Variants in ARHGAP44 observed in about 807,000 individuals in gnomAD.
ARHGAP44 encodes rho GTPase-activating protein 44.
ARHGAP44 carries 43 observed loss-of-function variants against 106.8 expected under a neutral mutation model. The ratio of observed to expected loss-of-function variants is 0.40; its 90% CI spans 0.32 to 0.52. The LOEUF (loss-of-function observed/expected upper bound fraction) is 0.52. ARHGAP44 is among the 20% of genes least tolerant of loss of function. The probability of loss-of-function intolerance (pLI) is 0.48; values close to 1 mark genes in which losing one functional copy is unlikely to be tolerated. For synonymous variants in ARHGAP44, 439 were observed against 410.3 expected (o/e 1.07, Z -0.85); for missense variants, 866 against 1,050.5 (o/e 0.82, Z 2.43).
intron 18 of ARHGAP44, among the ~76,000 whole-genome samples, chr17:12,977,502 G>A (rs533675275): frequency 3.3e-5 from 5 of 152,056 alleles, no homozygotes; most frequent in African/African-American, 7.2e-5. Flanking sequence ...TCCACATCCC[G>A]CCCAACTGCT....
intron 4 of ARHGAP44, 130 bp downstream of exon 4, chr17:12,909,103 T>G (rs2037646766): frequency 1.3e-6 from 1 of 749,584 alleles, no homozygotes; most frequent in East Asian, 2.9e-5. Context: ...AGGAAAATGT[T>G]ACCAGTAGGA....
chr17:12,854,462 T>C (rs2035847817), intron 1 of ARHGAP44, among the ~76,000 whole-genome samples: 1 of 152,158 alleles, frequency 6.6e-6, no homozygotes, highest in African/African-American at 2.4e-5. Flanking sequence ...GGGTACATCA[T>C]TTACAACAGT....
intron 16 of ARHGAP44, among the ~76,000 whole-genome samples, chr17:12,961,820 C>T (rs1448559603): frequency 1.3e-5 from 2 of 152,056 alleles, no homozygotes; most frequent in Non-Finnish European, 2.9e-5. Flanking sequence ...TCTGTGCGTA[C>T]GTTTTAAGGA....
At chr17:12,894,448 A>G (rs897132578) in intron 1 of ARHGAP44, among the ~76,000 whole-genome samples, 14 of 152,186 alleles carry the variant, frequency 9.2e-5, no homozygotes, top group Non-Finnish European at 1.9e-4. Context: ...CTCTAAATGT[A>G]GAAGTTTCAG....
chr17:12,941,036 G>A lies in ARHGAP44; in HGVS notation c.583-20G>A. On this transcript the variant is annotated intron_variant, in intron 7 of 20. Coordinates refer to ENST00000379672, the MANE Select transcript of ARHGAP44 (RefSeq NM_014859.6). ...CATTGGTTTATGTTTTACCTTGGTTGTATATTTTACCTTGCACAGGACCAG... is the reference window on the plus strand; with the variant it reads ...CATTGGTTTATGTTTTACCTTGGTTATATATTTTACCTTGCACAGGACCAG... 6.2e-7 allele frequency: 1 copy of A among 1,612,718 alleles called. No individual in the cohort carries two copies. Among genetic ancestry groups the A allele is most frequent in the Non-Finnish European group, 8.5e-7 (1 of 1,179,006 alleles).
chr17:12,829,391 C>T (rs1452802092), intron 1 of ARHGAP44, among the ~76,000 whole-genome samples: 1 of 152,042 alleles, frequency 6.6e-6, no homozygotes, highest in East Asian at 1.9e-4. Context: ...CCTTCAGCAG[C>T]CCTCCTATTT....
chr17:12,979,449 C>CA (rs2039776738), intron 18 of ARHGAP44, among the ~76,000 whole-genome samples: 2 of 152,152 alleles, frequency 1.3e-5, no homozygotes, highest in South Asian at 4.1e-4. Context: ...GACTGGGACT[C>CA]AAACTGGCCC....
Position 12,841,585 on chromosome 17 carries a change from G to GTCTC in ARHGAP44, c.53+51701_53+51704dup, listed in dbSNP as rs146801593. Reference sequence around the variant, plus strand: ...CAACAGAGTGAGACCCTGTCTCTCTGTCTCTCTCTCACACACACACACACA... The same window carrying GTCTC: ...CAACAGAGTGAGACCCTGTCTCTCTGTCTCTCTCTCTCTCACACACACACACACA... On this transcript the variant is annotated intron_variant, in intron 1 of 20. Transcript: ENST00000379672. Among the ~76,000 whole-genome samples the GTCTC allele has an allele frequency of 1.3e-3, 158 of 123,232 alleles. 1 individual carries two copies. Among genetic ancestry groups the GTCTC allele is most frequent in the African/African-American group, 4.8e-3 (135 of 27,944 alleles). The allele number at this position is 123,232 out of a possible 152,430, so 80.8% of individuals were successfully genotyped here.
Position 12,896,508 on chromosome 17 carries a change from C to G in ARHGAP44, c.195C>G (p.Arg65=), listed in dbSNP as rs2037210646. ...QGQQGAEADK[R]SKKLPLTTLA... ...AGCAAGGGGCAGAGGCTGACAAGCG[C>G]TCCGTAAGTGCCCTCCCAGCCCTGG... The change falls in exon 3 of 21, where the codon CGC becomes CGG. Residue 65 remains arginine (R), a synonymous_variant. Coordinates refer to ENST00000379672, the MANE Select transcript of ARHGAP44 (RefSeq NM_014859.6). 1 of 1,597,220 alleles carries G rather than the reference C, an allele frequency of 6.3e-7. No individual in the cohort carries two copies. Among genetic ancestry groups the G allele is most frequent in the Non-Finnish European group, 8.5e-7 (1 of 1,172,616 alleles).
At chr17:12,943,814 C>T in intron 9 of ARHGAP44, 145 bp downstream of exon 9, 1 of 1,022,310 alleles carries the variant, frequency 9.8e-7, no homozygotes, top group Non-Finnish European at 1.4e-6. Context: ...TACTTCCAAA[C>T]TGGTGCCTTG....
At chr17:12,940,306 T>G (rs1174397155) in intron 7 of ARHGAP44, among the ~76,000 whole-genome samples, 4 of 152,220 alleles carry the variant, frequency 2.6e-5, no homozygotes, top group African/African-American at 9.6e-5. Flanking sequence ...AAAATATGGT[T>G]AATGACAGAG....
chr17:12,838,128 A>G (rs553372442), intron 1 of ARHGAP44, among the ~76,000 whole-genome samples: 1 of 152,328 alleles, frequency 6.6e-6, no homozygotes, highest in East Asian at 1.9e-4. Context: ...TTACAAAAAC[A>G]ATTTGGTCAT....
chr17:12,792,151 A>G (rs930074474), intron 1 of ARHGAP44, among the ~76,000 whole-genome samples: 1 of 151,538 alleles, frequency 6.6e-6, no homozygotes, highest in Non-Finnish European at 1.5e-5. Flanking sequence ...TTTCGTTTTT[A>G]CTGTTTTCCC....
intron 3 of ARHGAP44, among the ~76,000 whole-genome samples, chr17:12,903,138 AGAGTGTGTGTGTGT>A (rs1293042220): frequency 4.2e-5 from 4 of 94,708 alleles, no homozygotes; most frequent in Admixed American, 2.5e-4. Context: ...AGAGAGAGAG[AGAGTGTGTGTGTGT>A]GTGTGTGTGT....
intron 1 of ARHGAP44, among the ~76,000 whole-genome samples, chr17:12,855,233 A>G (rs1014777271): frequency 6.6e-6 from 1 of 152,146 alleles, no homozygotes; most frequent in African/African-American, 2.4e-5. Flanking sequence ...TGAGACCCCC[A>G]TCTCTAAAGA....
chr17:12,933,849 C>CTTTT (rs11303147), intron 7 of ARHGAP44, among the ~76,000 whole-genome samples: 3 of 131,540 alleles, frequency 2.3e-5, no homozygotes. Context: ...CACATAAATT[C>CTTTT]TTTTTTTTTT....
At chr17:12,959,137 G>A in intron 16 of ARHGAP44, 3 of 475,660 alleles carry the variant, frequency 6.3e-6, no homozygotes, top group South Asian at 5.7e-5. Context: ...GTATTAATTA[G>A]TTCTCATCAA....
chr17:12,964,420 C>A (rs2039340633), intron 16 of ARHGAP44, among the ~76,000 whole-genome samples: 2 of 152,170 alleles, frequency 1.3e-5, no homozygotes, highest in Non-Finnish European at 2.9e-5. Context: ...TGGCTACATC[C>A]CCGACTGAGC....
chr17:12,937,197 TG>T (rs1317361842), intron 7 of ARHGAP44, among the ~76,000 whole-genome samples: 5 of 152,300 alleles, frequency 3.3e-5, no homozygotes, highest in African/African-American at 1.2e-4. Flanking sequence ...CCCTTCCTCT[TG>T]GTAGGTTAGG....
Sources: allele counts gnomAD v4.1 joint callset (sites outside exome capture counted in the v4.1 genomes callset), GRCh38; gene constraint gnomAD v4.1.1; transcripts MANE v1.5; gene names NCBI Gene and HGNC (gene_info 2026-07-23, HGNC 2026-07-21).